QKI: variants seen among roughly 807,000 people sequenced by gnomAD.
The protein encoded by QKI is QKI, KH domain containing RNA binding.
A neutral mutation model predicts 39.0 loss-of-function variants in QKI; 10 were observed. That is an observed-to-expected ratio of 0.26 (90% CI 0.16 to 0.43). QKI has a LOEUF of 0.43. Ranked by LOEUF, QKI falls within the 20% of genes least tolerant of loss-of-function variation. The probability of loss-of-function intolerance (pLI) is 1.00; values close to 1 mark genes in which losing one functional copy is unlikely to be tolerated. For synonymous variants in QKI, 204 were observed against 155.4 expected (o/e 1.31, Z -2.33); for missense variants, 218 against 428.0 (o/e 0.51, Z 4.33).
At chr6:163,498,163 T>C (rs529731204) in intron 3 of QKI, among the ~76,000 whole-genome samples, 98 of 148,338 alleles carry the variant, frequency 6.6e-4, no homozygotes, top group African/African-American at 2.3e-3. Context: ...TGTTCTTCAT[T>C]AGTTTGCTCC....
chr6:163,469,151 A>C (rs1791999965), intron 2 of QKI, among the ~76,000 whole-genome samples: 1 of 152,250 alleles, frequency 6.6e-6, no homozygotes, highest in East Asian at 1.9e-4. Flanking sequence ...TAATTTAGTA[A>C]ATCATAATTG....
intron 4 of QKI, among the ~76,000 whole-genome samples, chr6:163,546,786 A>G (rs1161560968): frequency 1.3e-5 from 2 of 152,020 alleles, no homozygotes; most frequent in African/African-American, 2.4e-5. Flanking sequence ...TTTAATAACT[A>G]TTTTGGAAAA....
chr6:163,497,674 A>C (rs1562488765), intron 3 of QKI, among the ~76,000 whole-genome samples: 2 of 151,566 alleles, frequency 1.3e-5, no homozygotes, highest in African/African-American at 4.8e-5. Flanking sequence ...TTAAAACCCT[A>C]TTACCTTTGT....
intron 2 of QKI, among the ~76,000 whole-genome samples, chr6:163,456,804 G>A (rs1249320981): frequency 6.6e-6 from 1 of 152,118 alleles, no homozygotes; most frequent in Non-Finnish European, 1.5e-5. Context: ...AAAGTGCCAT[G>A]TTAGGCTAGG....
intron 1 of QKI, among the ~76,000 whole-genome samples, chr6:163,415,547 C>T (rs1214683523): frequency 6.6e-6 from 1 of 151,432 alleles, no homozygotes; most frequent in Non-Finnish European, 1.5e-5. Flanking sequence ...CGGACGCCCC[C>T]TGCCCGGCCG....
At chr6:163,442,075 G>A (rs539591521) in intron 1 of QKI, among the ~76,000 whole-genome samples, 1 of 152,270 alleles carries the variant, frequency 6.6e-6, no homozygotes, top group East Asian at 1.9e-4. Context: ...ACATACGAAT[G>A]TACAGTGGAG....
chr6:163,564,743 G>A (rs775056512), intron 6 of QKI: 1 of 1,613,934 alleles, frequency 6.2e-7, no homozygotes, highest in South Asian at 1.1e-5. Flanking sequence ...TACAGCAGCT[G>A]TTATAACACG....
intron 2 of QKI, among the ~76,000 whole-genome samples, chr6:163,465,464 T>TA (rs201652349): frequency 6.7e-6 from 1 of 149,922 alleles, no homozygotes; most frequent in South Asian, 2.1e-4. Context: ...CTGTCTCTAC[T>TA]AAAAAATACA....
At chr6:163,431,553 T>G (rs1788830237) in intron 1 of QKI, among the ~76,000 whole-genome samples, 1 of 152,072 alleles carries the variant, frequency 6.6e-6, no homozygotes, top group African/African-American at 2.4e-5. Flanking sequence ...ATTAGTAAAT[T>G]TTGGAAAGAA....
chr6:163,415,885 A>G (rs138509915), intron 1 of QKI: 8,844 of 511,556 alleles, frequency 0.017, 161 homozygotes, highest in Non-Finnish European at 0.021. Flanking sequence ...GCTGTTCAAT[A>G]CTAAGTGGAA....
intron 1 of QKI, among the ~76,000 whole-genome samples, chr6:163,436,552 A>G (rs777012543): frequency 6.6e-4 from 101 of 152,230 alleles, no homozygotes; most frequent in Non-Finnish European, 1.1e-3. Context: ...GGTGGCTCAC[A>G]CCTGTAATCC....
At chr6:163,478,997 T>A in intron 3 of QKI, 101 bp downstream of exon 3, 1 of 1,030,048 alleles carries the variant, frequency 9.7e-7, no homozygotes, top group Non-Finnish European at 1.4e-6. Context: ...TAAAACACTA[T>A]ATTCCAGGCC....
Position 163,575,836 on chromosome 6 carries a change from G to A in QKI, c.*5126G>A, listed in dbSNP as rs976505979. 6.6e-6 allele frequency: 1 copy of A among 152,030 alleles called. No homozygotes were observed. Among genetic ancestry groups the A allele is most frequent in the African/African-American group, 2.4e-5 (1 of 41,374 alleles). 9.4% of individuals were successfully genotyped at this position (152,030 alleles called of 1,614,324 possible). A position where few individuals can be genotyped will look rare whatever the true frequency, so the allele number is the denominator to read the frequency against. On this transcript the variant is annotated 3_prime_UTR_variant, in exon 8 of 8. Transcript: ENST00000361752. Reference sequence around the variant, plus strand: ...TATATATATGTCATAACACTTTCACGTGTGACAGCCTAAGGTTTCTTTAGT... The same window carrying A: ...TATATATATGTCATAACACTTTCACATGTGACAGCCTAAGGTTTCTTTAGT...
At chr6:163,462,717 G>C (rs903845693) in intron 2 of QKI, among the ~76,000 whole-genome samples, 1 of 152,134 alleles carries the variant, frequency 6.6e-6, no homozygotes, top group African/African-American at 2.4e-5. Flanking sequence ...TTTGTGTGTG[G>C]TCTGTGCTAG....
At chr6:163,535,846 C>T (rs990412133) in intron 4 of QKI, among the ~76,000 whole-genome samples, 14 of 152,072 alleles carry the variant, frequency 9.2e-5, no homozygotes, top group Non-Finnish European at 2.9e-5. Flanking sequence ...GCATGAGAAT[C>T]GCCTGAGCCT....
chr6:163,468,600 T>A (rs188857267), intron 2 of QKI, among the ~76,000 whole-genome samples: 13 of 152,338 alleles, frequency 8.5e-5, no homozygotes, highest in Non-Finnish European at 1.5e-4. Flanking sequence ...TTGTTAAACC[T>A]CTTCTTTGTA....
intron 3 of QKI, among the ~76,000 whole-genome samples, chr6:163,500,430 T>G (rs1271539589): frequency 2.6e-5 from 4 of 152,166 alleles, no homozygotes; most frequent in Admixed American, 1.3e-4. Context: ...TTCTTCAACA[T>G]TTGCTAATCT....
In QKI at chr6:163,577,785, C is replaced by G. The variant is rs887236306; in HGVS notation, c.*7075C>G. The G allele has an allele frequency of 6.6e-6, 1 of 152,150 alleles. No homozygotes were observed. Among genetic ancestry groups the G allele is most frequent in the African/African-American group, 2.4e-5 (1 of 41,424 alleles). 9.4% of individuals were successfully genotyped at this position (152,150 alleles called of 1,614,324 possible). ...TTTGATGTTTTTCCTCCTGAAAAAT[C>G]AGATGAATATTTTAGTCACTGTTAC... On this transcript the variant is annotated 3_prime_UTR_variant, in exon 8 of 8. Transcript: ENST00000361752.
rs200220990 is a variant in QKI, at chr6:163,517,354, A to G, written c.403-17628A>G. 1.2e-4 allele frequency among the ~76,000 whole-genome samples: 18 copies of G among 152,278 alleles called. No homozygotes were observed. In the East Asian group the frequency reaches 3.5e-3, roughly 29 times the overall value. On this transcript the variant is annotated intron_variant, in intron 3 of 7. Transcript: ENST00000361752. ...TTGATTAACTTAAATTCAACTGATT[A>G]CTTTTCTTAATTACATCTGCAGAAT...
Sources: allele counts gnomAD v4.1 joint callset (sites outside exome capture counted in the v4.1 genomes callset), GRCh38; gene constraint gnomAD v4.1.1; transcripts MANE v1.5; gene names NCBI Gene and HGNC (gene_info 2026-07-23, HGNC 2026-07-21).